PRKAR1A: variants seen among roughly 807,000 people sequenced by gnomAD.
PRKAR1A encodes the protein protein kinase cAMP-dependent type I regulatory subunit alpha.
PRKAR1A carries 3 observed loss-of-function variants against 52.0 expected under a neutral mutation model. That is an observed-to-expected ratio of 0.06 (90% CI 0.03 to 0.15). The LOEUF (loss-of-function observed/expected upper bound fraction) is 0.15, where lower values mean the gene tolerates loss of function less well. PRKAR1A is among the 10% of genes least tolerant of loss of function. The pLI is 1.00. For missense variants in PRKAR1A, 240 were observed against 477.4 expected (o/e 0.50, Z 4.63); for synonymous variants, 188 against 168.4 (o/e 1.12, Z -0.90).
chr17:68,425,847 T>C, the PRKAR1A span: 1 of 467,424 alleles, frequency 2.1e-6, no homozygotes, highest in African/African-American at 2.0e-5. Context: ...TGGATTAGTA[T>C]TCGGTGACTC....
chr17:68,524,718 A>T (rs754357635), intron 5 of PRKAR1A, among the ~76,000 whole-genome samples, 194 bp from the exon 6 acceptor site: 2 of 152,190 alleles, frequency 1.3e-5, no homozygotes, highest in Non-Finnish European at 2.9e-5. Flanking sequence ...TCACCATGAG[A>T]TGACTAAAAA....
chr17:68,463,599 T>C, the PRKAR1A span, among the ~76,000 whole-genome samples: 1 of 152,080 alleles, frequency 6.6e-6, no homozygotes, highest in South Asian at 2.1e-4. Flanking sequence ...GCAGTGAAAG[T>C]GTGTTTGGGA....
chr17:68,530,511 G>A lies in PRKAR1A; in HGVS notation c.*62G>A. The A allele has an allele frequency of 2.5e-6, 4 of 1,613,398 alleles. No homozygotes were observed. The highest frequency in any genetic ancestry group is 3.4e-6 in the Non-Finnish European group (4 of 1,179,746). On this transcript the variant is annotated 3_prime_UTR_variant, in exon 11 of 11. Coordinates refer to ENST00000589228, the MANE Select transcript of PRKAR1A (RefSeq NM_002734.5). ...AATCCATGCTTCACTCATGCAAACTGCTTTATTTTCCCTACTTGCAGCGCC... is the reference window on the plus strand; with the variant it reads ...AATCCATGCTTCACTCATGCAAACTACTTTATTTTCCCTACTTGCAGCGCC...
intron 9 of PRKAR1A, 46 bp from the exon 10 acceptor site, chr17:68,529,874 G>A: frequency 6.3e-7 from 1 of 1,580,958 alleles, no homozygotes; most frequent in Non-Finnish European, 8.7e-7. Flanking sequence ...GCCACCCTGG[G>A]TTTGAGAGTG....
upstream of PRKAR1A, among the ~76,000 whole-genome samples, chr17:68,507,502 G>A (rs1017131825): frequency 2.6e-5 from 4 of 152,140 alleles, no homozygotes; most frequent in Admixed American, 2.6e-4. Flanking sequence ...CTGTTGGGGA[G>A]GCAGGGAGGG....
chr17:68,505,750 G>A, the PRKAR1A span, among the ~76,000 whole-genome samples: 2 of 152,172 alleles, frequency 1.3e-5, no homozygotes, highest in African/African-American at 4.8e-5. Context: ...GAGATGGGAG[G>A]TTGCAGTGAG....
chr17:68,525,940 G>A, intron 7 of PRKAR1A, 28 bp downstream of exon 7: 1 of 1,611,424 alleles, frequency 6.2e-7, no homozygotes, highest in Non-Finnish European at 8.5e-7. Flanking sequence ...TTGAGAGTGT[G>A]ATTTAGAATT....
At chr17:68,464,401 G>C in the PRKAR1A span, among the ~76,000 whole-genome samples, 10 of 152,136 alleles carry the variant, frequency 6.6e-5, no homozygotes, top group Non-Finnish European at 1.3e-4. Context: ...TGGTTCACTT[G>C]ATGTGCACAC....
chr17:68,523,834 C>G lies in PRKAR1A; in HGVS notation c.440+18C>G. 6.2e-7 allele frequency: 1 copy of G among 1,609,660 alleles called. No homozygotes were observed. Among genetic ancestry groups the G allele is most frequent in the Non-Finnish European group, 8.5e-7 (1 of 1,176,136 alleles). On this transcript the variant is annotated intron_variant, in intron 4 of 10. Transcript: ENST00000589228. ...GAGAGAAGGTAGGAACAGGCTCTTT[C>G]TTAACACTATTTTTCAAGTAAGGGT...
At chr17:68,498,657 T>C in the PRKAR1A span, among the ~76,000 whole-genome samples, 3 of 152,208 alleles carry the variant, frequency 2.0e-5, no homozygotes, top group African/African-American at 7.2e-5. Context: ...TCCTGGCAGC[T>C]CCCCACTCAG....
chr17:68,545,805 A>G (rs1200140424), intron 11 of PRKAR1A, among the ~76,000 whole-genome samples: 1 of 152,200 alleles, frequency 6.6e-6, no homozygotes, highest in Non-Finnish European at 1.5e-5. Flanking sequence ...CATCTCAACA[A>G]TGTTCACAGC....
At chr17:68,437,036 G>GTA in the PRKAR1A span, among the ~76,000 whole-genome samples, 2 of 118,796 alleles carry the variant, frequency 1.7e-5, no homozygotes, top group African/African-American at 6.7e-5. Flanking sequence ...GTGTGTGTGT[G>GTA]TATATATTGC....
downstream of PRKAR1A, chr17:68,537,829 G>A: frequency 7.0e-7 from 1 of 1,427,302 alleles, no homozygotes; most frequent in Non-Finnish European, 9.6e-7. The surrounding 1 kb of genome is among the most constrained non-coding windows in gnomAD (Gnocchi z 4.2). Context: ...AGCTGTTGTA[G>A]CTGATACTCT....
the PRKAR1A span, among the ~76,000 whole-genome samples, chr17:68,490,628 T>C: frequency 6.6e-6 from 1 of 152,152 alleles, no homozygotes; most frequent in Non-Finnish European, 1.5e-5. Flanking sequence ...ATAAAACTTT[T>C]CCCAGTTTTG....
the PRKAR1A span, chr17:68,457,305 C>G: frequency 1.3e-6 from 2 of 1,537,928 alleles, no homozygotes; most frequent in African/African-American, 1.4e-5. Context: ...GACACTCTGT[C>G]CCCCACCTCC....
chr17:68,485,160 A>T, the PRKAR1A span, among the ~76,000 whole-genome samples: 1 of 152,242 alleles, frequency 6.6e-6, no homozygotes, highest in African/African-American at 2.4e-5. Context: ...TGGAAAAATG[A>T]TCAAACAAGC....
At chr17:68,458,814 T>C in the PRKAR1A span, among the ~76,000 whole-genome samples, 1 of 152,232 alleles carries the variant, frequency 6.6e-6, no homozygotes, top group Non-Finnish European at 1.5e-5. Context: ...ATTTTAGTTA[T>C]TGTTATATGA....
the PRKAR1A span, chr17:68,448,262 C>T: frequency 6.6e-6 from 1 of 152,144 alleles, no homozygotes; most frequent in African/African-American, 2.4e-5. Context: ...AAGTCCCAAA[C>T]CTGAAAGTTT....
intron 11 of PRKAR1A, among the ~76,000 whole-genome samples, chr17:68,545,321 A>C (rs1458907434): frequency 2.0e-5 from 3 of 152,214 alleles, no homozygotes; most frequent in African/African-American, 7.2e-5. Context: ...CACACTTCGG[A>C]GATATTGCAG....
Sources: allele counts gnomAD v4.1 joint callset (sites outside exome capture counted in the v4.1 genomes callset), GRCh38; gene constraint gnomAD v4.1.1; non-coding constraint Gnocchi (gnomAD v3.1); transcripts MANE v1.5; gene names NCBI Gene and HGNC (gene_info 2026-07-23, HGNC 2026-07-21).